TACR1: variants seen among roughly 807,000 people sequenced by gnomAD.
TACR1 encodes substance-P receptor.
In TACR1, 25 loss-of-function variants were observed where a neutral mutation model predicts 35.8. The ratio of observed to expected loss-of-function variants is 0.70; its 90% confidence interval spans 0.51 to 0.98. TACR1 has a LOEUF of 0.98. TACR1 is among the 50% of genes least tolerant of loss of function. The probability of loss-of-function intolerance (pLI) is 0.00; values close to 1 mark genes in which losing one functional copy is unlikely to be tolerated. For missense variants in TACR1, 478 were observed against 522.9 expected, an observed-to-expected ratio of 0.91 and a Z score of 0.84; for synonymous variants, 195 against 206.7, an observed-to-expected ratio of 0.94 and a Z score of 0.48.
intron 1 of TACR1, among the ~76,000 whole-genome samples, chr2:75,136,736 A>G (rs1369851679): frequency 2.6e-5 from 4 of 152,226 alleles, no homozygotes; most frequent in Admixed American, 6.5e-5. Context: ...AAATAAGACA[A>G]AAGTTAAGAA....
intron 1 of TACR1, among the ~76,000 whole-genome samples, chr2:75,124,989 A>G (rs768088206): frequency 6.6e-6 from 1 of 152,154 alleles, no homozygotes; most frequent in Non-Finnish European, 1.5e-5. Context: ...ATGTGAGCAC[A>G]GTGGTCAATC....
chr2:75,194,086 A>AAACT (rs1484847396), intron 1 of TACR1, among the ~76,000 whole-genome samples: 1 of 152,138 alleles, frequency 6.6e-6, no homozygotes, highest in African/African-American at 2.4e-5. Context: ...CCTCCAATTC[A>AAACT]AACTATGATT....
At chr2:75,118,849 C>T (rs1188612810) in intron 2 of TACR1, 3 of 151,988 alleles carry the variant, frequency 2.0e-5, no homozygotes, top group African/African-American at 7.2e-5. Flanking sequence ...TTTGAGGAAA[C>T]CTTCTGGCTT....
chr2:75,157,869 A>C (rs532983995), intron 1 of TACR1, among the ~76,000 whole-genome samples: 2 of 152,352 alleles, frequency 1.3e-5, no homozygotes, highest in African/African-American at 2.4e-5. Context: ...GCAGCAAAAC[A>C]ATTTGCAGTG....
At chr2:75,058,865 G>A (rs1423075494) in intron 2 of TACR1, among the ~76,000 whole-genome samples, 1 of 152,210 alleles carries the variant, frequency 6.6e-6, no homozygotes, top group Non-Finnish European at 1.5e-5. Context: ...TTGAAAGCAA[G>A]AACAGTTTCA....
At chr2:75,055,334 G>A (rs539180944) in intron 2 of TACR1, among the ~76,000 whole-genome samples, 2 of 152,352 alleles carry the variant, frequency 1.3e-5, no homozygotes, top group African/African-American at 4.8e-5. Flanking sequence ...ACCAAGCAGG[G>A]TGTGAGTGCA....
chr2:75,095,278 G>A (rs1006717080), intron 2 of TACR1, among the ~76,000 whole-genome samples: 26 of 152,100 alleles, frequency 1.7e-4, no homozygotes, highest in South Asian at 4.1e-4. Context: ...TGGCACACCC[G>A]CACATGATTT....
chr2:75,151,664 C>T (rs996655721), intron 1 of TACR1, among the ~76,000 whole-genome samples: 1 of 152,144 alleles, frequency 6.6e-6, no homozygotes, highest in Non-Finnish European at 1.5e-5. Context: ...GGTTGGAGCC[C>T]CCACACAGAG....
At chr2:75,094,854 TATA>T (rs1272954372) in intron 2 of TACR1, among the ~76,000 whole-genome samples, 45 of 90,216 alleles carry the variant, frequency 5.0e-4, no homozygotes, top group African/African-American at 1.9e-3. Flanking sequence ...TATATATATA[TATA>T]TATTTTTTTT....
At chr2:75,059,188 C>T (rs1672624460) in intron 2 of TACR1, among the ~76,000 whole-genome samples, 1 of 152,184 alleles carries the variant, frequency 6.6e-6, no homozygotes, top group Non-Finnish European at 1.5e-5. Flanking sequence ...CCATTCTTTG[C>T]AATATCCATA....
intron 3 of TACR1, 131 bp from the exon 4 acceptor site, chr2:75,051,578 AAGG>A (rs1672472422): frequency 3.4e-6 from 5 of 1,481,012 alleles, no homozygotes; most frequent in Non-Finnish European, 4.5e-6. Flanking sequence ...ACGCCCCTTC[AAGG>A]AGGAGAAAGG....
At chr2:75,107,936 A>C (rs1268663495) in intron 2 of TACR1, among the ~76,000 whole-genome samples, 1 of 145,292 alleles carries the variant, frequency 6.9e-6, no homozygotes, top group Non-Finnish European at 1.5e-5. Flanking sequence ...GTAGAAATTA[A>C]AAATGTGAAA....
intron 1 of TACR1, among the ~76,000 whole-genome samples, chr2:75,194,485 A>G (rs2103634219): frequency 6.6e-6 from 1 of 152,332 alleles, no homozygotes; most frequent in South Asian, 2.1e-4. Flanking sequence ...TTGCAGTTCA[A>G]CCAACAAGGT....
At chr2:75,054,054 T>C (rs966174263) in intron 2 of TACR1, among the ~76,000 whole-genome samples, 4 of 152,188 alleles carry the variant, frequency 2.6e-5, no homozygotes, top group Non-Finnish European at 4.4e-5. Context: ...ACTGAATCTG[T>C]TGTATACCCA....
rs896267421 is a variant in TACR1 at position 75,126,461 on chromosome 2, G to A, written c.390-5693C>T. Among the ~76,000 whole-genome samples, 4 of 152,242 alleles carry A rather than the reference G, an allele frequency of 2.6e-5. No homozygotes were observed. In the East Asian group the frequency reaches 7.7e-4, roughly 29 times the overall value. ...TGGGTATATACCCAGTAATGGGATT[G>A]CTGGGTCAAATGGTAGTTCTGATTT... On this transcript the variant is annotated intron_variant, in intron 1 of 4. Coordinates refer to ENST00000305249, the MANE Select transcript of TACR1 (RefSeq NM_001058.4).
chr2:75,058,026 C>T (rs6726071), intron 2 of TACR1, among the ~76,000 whole-genome samples: 3,559 of 152,212 alleles, frequency 0.023, 133 homozygotes, highest in African/African-American at 0.081. Context: ...CGTGCCACAT[C>T]CCCACTGAAA....
intron 2 of TACR1, among the ~76,000 whole-genome samples, chr2:75,081,373 T>C (rs575123746): frequency 1.6e-3 from 243 of 152,260 alleles, no homozygotes; most frequent in African/African-American, 5.6e-3. Context: ...GTGAAAAATC[T>C]GCAGGACCAA....
At chr2:75,110,911 C>G (rs991090734) in intron 2 of TACR1, among the ~76,000 whole-genome samples, 1 of 151,964 alleles carries the variant, frequency 6.6e-6, no homozygotes, top group African/African-American at 2.4e-5. Flanking sequence ...CTCCTGAAAA[C>G]AGCTCCCACC....
At chr2:75,102,255 CA>C (rs1673545750) in intron 2 of TACR1, among the ~76,000 whole-genome samples, 1 of 152,194 alleles carries the variant, frequency 6.6e-6, no homozygotes, top group South Asian at 2.1e-4. Context: ...TGACTGCAGA[CA>C]TATGAGACAC....
Sources: gnomAD v4.1 joint callset for allele counts (sites outside exome capture counted in the v4.1 genomes callset) on GRCh38, gnomAD v4.1.1 for gene constraint, MANE v1.5 for transcripts, NCBI Gene and HGNC (gene_info 2026-07-23, HGNC 2026-07-21) for gene names.